SCAPER: variants seen among roughly 807,000 people sequenced by gnomAD.
The protein encoded by SCAPER is S-phase cyclin A associated protein in the ER, also known as S phase cyclin A-associated protein in the endoplasmic reticulum.
Under a neutral mutation model 182.2 loss-of-function variants are expected in SCAPER, and 98 were observed. That is an observed-to-expected ratio of 0.54 (90% CI 0.46 to 0.64). The LOEUF (loss-of-function observed/expected upper bound fraction) is 0.64. SCAPER is among the 30% of genes least tolerant of loss of function. SCAPER has a pLI of 0.00. For missense variants in SCAPER, 1,432 were observed against 1,690.0 expected (o/e 0.85, Z 2.68); for synonymous variants, 605 against 564.6 (o/e 1.07, Z -1.01).
intron 1 of SCAPER, among the ~76,000 whole-genome samples, chr15:76,899,423 C>A (rs1411682293): frequency 1.3e-5 from 2 of 152,246 alleles, no homozygotes; most frequent in Non-Finnish European, 2.9e-5. Flanking sequence ...CTCGGCCTCC[C>A]GAGGTGCTGG....
intron 25 of SCAPER, among the ~76,000 whole-genome samples, chr15:76,467,067 T>TCTCCTCCTCCTTCTCC: frequency 6.6e-6 from 1 of 152,006 alleles, no homozygotes; most frequent in Non-Finnish European, 1.5e-5. Flanking sequence ...CCTCCTTCAC[T>TCTCCTCCTCCTTCTCC]CTCCTCCTCC....
chr15:76,698,995 G>T (rs1394660584), intron 20 of SCAPER, among the ~76,000 whole-genome samples: 1 of 152,122 alleles, frequency 6.6e-6, no homozygotes, highest in Non-Finnish European at 1.5e-5. Flanking sequence ...TGTTTAGCTG[G>T]ATTCCCAGAT....
chr15:76,439,690 C>T (rs116317232), intron 25 of SCAPER, among the ~76,000 whole-genome samples: 1 of 152,344 alleles, frequency 6.6e-6, no homozygotes, highest in African/African-American at 2.4e-5. Context: ...TGCTCTATTA[C>T]ACACCTGACT....
intron 22 of SCAPER, among the ~76,000 whole-genome samples, chr15:76,587,114 T>C (rs55666147): frequency 0.051 from 7,828 of 152,240 alleles, 606 homozygotes; most frequent in African/African-American, 0.17. Flanking sequence ...CATAGTACCC[T>C]TGAATGATCT....
At chr15:76,368,013 T>A (rs1021896259) in intron 29 of SCAPER, among the ~76,000 whole-genome samples, 1 of 152,152 alleles carries the variant, frequency 6.6e-6, no homozygotes, top group Admixed American at 6.5e-5. Context: ...TCCTTAGACA[T>A]GATGTATTTC....
In SCAPER at chr15:76,800,514, A is replaced by G. The variant is rs2065700527; in HGVS notation, c.495-150T>C. The G allele has an allele frequency of 1.2e-5, 8 of 641,076 alleles. No individual in the cohort carries two copies. The South Asian group carries it at 1.5e-4, about 12-fold the overall frequency. 39.7% of individuals were successfully genotyped at this position (641,076 alleles called of 1,614,324 possible). ...ACAACATGTGCAAATGTTCCCCTAG[A>G]GCATTGCTTACCAGAAAGTTACCAT... On this transcript the variant is annotated intron_variant, in intron 6 of 31. Transcript: ENST00000563290.
chr15:76,473,038 G>A (rs1480612914), intron 24 of SCAPER, among the ~76,000 whole-genome samples: 3 of 152,200 alleles, frequency 2.0e-5, no homozygotes, highest in Non-Finnish European at 4.4e-5. Context: ...CCCAAAAAGA[G>A]TAGAGTTTCC....
chr15:76,816,234 T>C (rs2067066533), intron 5 of SCAPER, among the ~76,000 whole-genome samples: 1 of 152,242 alleles, frequency 6.6e-6, no homozygotes, highest in African/African-American at 2.4e-5. Flanking sequence ...TTTTACTTTA[T>C]AAACCTTTTA....
At chr15:76,528,843 A>G (rs1387862895) in intron 23 of SCAPER, among the ~76,000 whole-genome samples, 1 of 152,154 alleles carries the variant, frequency 6.6e-6, no homozygotes, top group Non-Finnish European at 1.5e-5. Context: ...CTCATCATTT[A>G]CCATTCCCAA....
chr15:76,376,706 T>C (rs2042594495), intron 28 of SCAPER, among the ~76,000 whole-genome samples: 2 of 152,208 alleles, frequency 1.3e-5, no homozygotes, highest in South Asian at 4.1e-4. Flanking sequence ...CCAACACTTT[T>C]TTTTCTGAAG....
intron 21 of SCAPER, among the ~76,000 whole-genome samples, chr15:76,648,475 A>T (rs2054740373): frequency 6.6e-6 from 1 of 152,190 alleles, no homozygotes; most frequent in African/African-American, 2.4e-5. Flanking sequence ...TCAAGAAACA[A>T]TGGCTAAAAT....
At chr15:76,676,134 T>A (rs2057360018) in intron 20 of SCAPER, among the ~76,000 whole-genome samples, 1 of 151,982 alleles carries the variant, frequency 6.6e-6, no homozygotes, top group Non-Finnish European at 1.5e-5. Flanking sequence ...TGAAACTGGG[T>A]TTCTTAATTT....
At chr15:76,795,144 T>A (rs1406827644) in intron 8 of SCAPER, 136 bp downstream of exon 8, 1 of 829,206 alleles carries the variant, frequency 1.2e-6, no homozygotes, top group South Asian at 2.6e-5. Flanking sequence ...TTTAAGATAA[T>A]TTTATGTTTT....
intron 26 of SCAPER, among the ~76,000 whole-genome samples, chr15:76,412,618 A>G (rs2045371164): frequency 1.3e-5 from 2 of 152,072 alleles, no homozygotes; most frequent in Admixed American, 6.5e-5. Context: ...TCAATCTTAT[A>G]CCAATACCAG....
intron 22 of SCAPER, among the ~76,000 whole-genome samples, chr15:76,614,665 AAAG>A (rs1182536991): frequency 6.6e-6 from 1 of 152,218 alleles, no homozygotes; most frequent in African/African-American, 2.4e-5. Flanking sequence ...AGACACAGTG[AAAG>A]AAGGGGGACA....
At chr15:76,724,863 T>C (rs1183942515) in intron 17 of SCAPER, among the ~76,000 whole-genome samples, 2 of 152,156 alleles carry the variant, frequency 1.3e-5, no homozygotes, top group African/African-American at 4.8e-5. Flanking sequence ...TCTTTGCCAT[T>C]GGTTCGAACT....
chr15:76,569,700 T>C (rs2047298452), intron 23 of SCAPER, among the ~76,000 whole-genome samples: 1 of 152,028 alleles, frequency 6.6e-6, no homozygotes, highest in South Asian at 2.1e-4. Flanking sequence ...TATTATATCC[T>C]TTTTATACTC....
At chr15:76,731,829 C>T (rs1429233257) in intron 16 of SCAPER, among the ~76,000 whole-genome samples, 5 of 152,088 alleles carry the variant, frequency 3.3e-5, no homozygotes, top group Admixed American at 2.6e-4. Flanking sequence ...GAGGAAATTC[C>T]CTACTAGTTT....
At chr15:76,601,943 A>C (rs544877408) in intron 22 of SCAPER, among the ~76,000 whole-genome samples, 1 of 120,896 alleles carries the variant, frequency 8.3e-6, no homozygotes, top group African/African-American at 2.5e-5. Flanking sequence ...GGCCCCTTGG[A>C]ATCTGCAAAT....
Sources: allele counts gnomAD v4.1 joint callset (sites outside exome capture counted in the v4.1 genomes callset), GRCh38; gene constraint gnomAD v4.1.1; transcripts MANE v1.5; gene names NCBI Gene and HGNC (gene_info 2026-07-23, HGNC 2026-07-21).